The following LRRTM3 variants were observed in gnomAD, a reference collection of about 807,000 sequenced individuals.
LRRTM3 encodes the protein leucine-rich repeat transmembrane neuronal protein 3.
In LRRTM3, 24 loss-of-function variants were observed where a neutral mutation model predicts 44.7. The ratio of observed to expected loss-of-function variants is 0.54; its 90% CI spans 0.39 to 0.76. The LOEUF (loss-of-function observed/expected upper bound fraction) is 0.76. LRRTM3 is among the 30% of genes least tolerant of loss of function. LRRTM3 has a pLI of 0.00. For missense variants in LRRTM3, 587 were observed against 702.2 expected (o/e 0.84, Z 1.85); for synonymous variants, 277 against 278.7 (o/e 0.99, Z 0.06).
intron 2 of LRRTM3, among the ~76,000 whole-genome samples, chr10:66,944,159 A>T (rs890102207): frequency 6.6e-5 from 10 of 152,238 alleles, no homozygotes; most frequent in African/African-American, 2.4e-4. Flanking sequence ...TCAAAATTGA[A>T]GTCAATCCTC....
intron 2 of LRRTM3, among the ~76,000 whole-genome samples, chr10:66,942,972 G>A (rs1230417230): frequency 1.3e-5 from 2 of 152,200 alleles, no homozygotes; most frequent in African/African-American, 2.4e-5. Flanking sequence ...CAGGCACATA[G>A]GTTGACTTTT....
intron 2 of LRRTM3, among the ~76,000 whole-genome samples, chr10:67,054,095 G>C (rs1228346396): frequency 1.3e-5 from 2 of 152,118 alleles, no homozygotes; most frequent in Non-Finnish European, 2.9e-5. Context: ...AAAGTAAGCA[G>C]CTTAGTATCC....
chr10:67,013,949 C>T (rs1852492806), intron 2 of LRRTM3, among the ~76,000 whole-genome samples: 1 of 152,068 alleles, frequency 6.6e-6, no homozygotes, highest in Non-Finnish European at 1.5e-5. Context: ...GGTCTAAAAA[C>T]CCACTAAATC....
intron 2 of LRRTM3, among the ~76,000 whole-genome samples, chr10:67,049,183 G>A (rs1237543516): frequency 2.6e-5 from 4 of 151,908 alleles, no homozygotes; most frequent in Non-Finnish European, 5.9e-5. Flanking sequence ...GAGGAAAAGA[G>A]GACAAGAAAA....
At position 66,926,117 on chromosome 10, in the gene LRRTM3, G is replaced by T; in HGVS notation, c.-467G>T. ...CGGTACGGGGCTCTCCTGCCTTCTG[G>T]GCTCCAACGCAGCTCTGTGGCTGAA... is the stretch of plus-strand genomic sequence containing the variant. On this transcript the variant is annotated 5_prime_UTR_variant, in exon 1 of 3. Coordinates refer to ENST00000361320, the MANE Select transcript of LRRTM3 (RefSeq NM_178011.5). 2.2e-6 allele frequency: 1 copy of T among 458,800 alleles called. No homozygotes were observed. The highest frequency in any genetic ancestry group is 4.4e-6 in the Non-Finnish European group (1 of 228,464). 28.4% of individuals were successfully genotyped at this position (458,800 alleles called of 1,614,324 possible).
intron 2 of LRRTM3, among the ~76,000 whole-genome samples, chr10:66,966,818 C>T (rs1357738638): frequency 6.6e-6 from 1 of 152,070 alleles, no homozygotes; most frequent in African/African-American, 2.4e-5. Context: ...TGTGCTCTCA[C>T]ATCTCCATAT....
At chr10:66,929,073 C>T (rs970142994) in intron 2 of LRRTM3, among the ~76,000 whole-genome samples, 4 of 152,126 alleles carry the variant, frequency 2.6e-5, no homozygotes, top group Non-Finnish European at 4.4e-5. Flanking sequence ...AGCACAGGGA[C>T]AAAGTGATGA....
chr10:67,090,886 G>A (rs1296058415), intron 2 of LRRTM3, among the ~76,000 whole-genome samples: 1 of 152,016 alleles, frequency 6.6e-6, no homozygotes, highest in Non-Finnish European at 1.5e-5. Context: ...CCAAGCTGCA[G>A]TGTGATAATT....
intron 2 of LRRTM3, among the ~76,000 whole-genome samples, chr10:67,087,443 A>T (rs1482615087): frequency 6.6e-6 from 1 of 152,014 alleles, no homozygotes; most frequent in East Asian, 1.9e-4. Context: ...AAATTAAGGG[A>T]TGATTATCTT....
At chr10:67,061,675 C>T (rs1855765216) in intron 2 of LRRTM3, among the ~76,000 whole-genome samples, 1 of 152,176 alleles carries the variant, frequency 6.6e-6, no homozygotes, top group African/African-American at 2.4e-5. Context: ...ATCTGGTCAA[C>T]ATAAAAGGGA....
intron 2 of LRRTM3, among the ~76,000 whole-genome samples, chr10:66,953,818 C>T (rs1322584377): frequency 1.3e-5 from 2 of 151,982 alleles, no homozygotes; most frequent in African/African-American, 4.8e-5. Context: ...CTTTGTAGGC[C>T]AGGTTCTAGA....
At chr10:67,043,911 C>A (rs986157332) in intron 2 of LRRTM3, among the ~76,000 whole-genome samples, 1 of 142,392 alleles carries the variant, frequency 7.0e-6, no homozygotes, top group African/African-American at 2.5e-5. Flanking sequence ...AATTTTAATG[C>A]AAAAATAATC....
At chr10:67,044,715 G>A (rs753789272) in intron 2 of LRRTM3, among the ~76,000 whole-genome samples, 1 of 152,030 alleles carries the variant, frequency 6.6e-6, no homozygotes, top group Non-Finnish European at 1.5e-5. Context: ...GAACTCTTAG[G>A]GATGTTATAA....
chr10:66,939,794 TA>T (rs1847899021), intron 2 of LRRTM3, among the ~76,000 whole-genome samples: 1 of 152,188 alleles, frequency 6.6e-6, no homozygotes, highest in African/African-American at 2.4e-5. Context: ...CTTGTAGTTA[TA>T]AGGACTTTTG....
intron 2 of LRRTM3, among the ~76,000 whole-genome samples, chr10:67,085,824 T>C (rs534880500): frequency 2.0e-5 from 3 of 152,164 alleles, no homozygotes; most frequent in East Asian, 1.9e-4. Context: ...TTATTCTCTA[T>C]TGAATTTACA....
At chr10:67,072,825 A>G (rs1856541638) in intron 2 of LRRTM3, among the ~76,000 whole-genome samples, 1 of 152,098 alleles carries the variant, frequency 6.6e-6, no homozygotes, top group Admixed American at 6.5e-5. Context: ...TGGTGTCTCC[A>G]GGCTGCCAAG....
intron 2 of LRRTM3, among the ~76,000 whole-genome samples, chr10:66,982,914 G>T (rs1392588543): frequency 6.6e-6 from 1 of 152,128 alleles, no homozygotes; most frequent in East Asian, 1.9e-4. Context: ...GGGACACAAT[G>T]CAAGCTACAT....
At chr10:67,070,281 C>T (rs1278762583) in intron 2 of LRRTM3, among the ~76,000 whole-genome samples, 1 of 151,908 alleles carries the variant, frequency 6.6e-6, no homozygotes, top group Non-Finnish European at 1.5e-5. Flanking sequence ...TGCAGGAGTT[C>T]TTATGTAATC....
At chr10:66,955,135 T>A (rs1209809197) in intron 2 of LRRTM3, among the ~76,000 whole-genome samples, 1 of 152,168 alleles carries the variant, frequency 6.6e-6, no homozygotes, top group East Asian at 1.9e-4. Context: ...AAACTTTTCC[T>A]AGGTGCCTTT....
Sources: gnomAD v4.1 joint callset for allele counts (sites outside exome capture counted in the v4.1 genomes callset) on GRCh38, gnomAD v4.1.1 for gene constraint, MANE v1.5 for transcripts, NCBI Gene and HGNC (gene_info 2026-07-23, HGNC 2026-07-21) for gene names.